Variants in HNF4G observed in about 807,000 individuals in gnomAD.
HNF4G encodes hepatocyte nuclear factor 4 gamma.
HNF4G carries 21 observed loss-of-function variants against 50.9 expected under a neutral mutation model. The ratio of observed to expected loss-of-function variants is 0.41; its 90% confidence interval spans 0.29 to 0.59. The LOEUF is 0.59. HNF4G is among the 20% of genes least tolerant of loss of function. The pLI is 0.26. For synonymous variants in HNF4G, 198 were observed against 185.6 expected, an observed-to-expected ratio of 1.07 and a Z score of -0.54; for missense variants, 527 against 559.4, an observed-to-expected ratio of 0.94 and a Z score of 0.58.
At chr8:75,519,453 C>T (rs538490012) in intron 2 of HNF4G, among the ~76,000 whole-genome samples, 10 of 152,238 alleles carry the variant, frequency 6.6e-5, no homozygotes, top group African/African-American at 1.9e-4. Flanking sequence ...ACTGTATTAA[C>T]CTGTTCTCAT....
At chr8:75,443,407 G>A (rs200674662) in intron 1 of HNF4G, among the ~76,000 whole-genome samples, 1 of 152,124 alleles carries the variant, frequency 6.6e-6, no homozygotes, top group Admixed American at 6.5e-5. Context: ...CTGAATTATT[G>A]CAATAATTAT....
At chr8:75,493,655 T>A (rs1273770766) in intron 2 of HNF4G, among the ~76,000 whole-genome samples, 1 of 152,196 alleles carries the variant, frequency 6.6e-6, no homozygotes. Flanking sequence ...TTTTCTGTTT[T>A]ATCTATTTTT....
At chr8:75,419,069 A>G (rs1810716584) in intron 1 of HNF4G, among the ~76,000 whole-genome samples, 1 of 152,124 alleles carries the variant, frequency 6.6e-6, no homozygotes. Flanking sequence ...TTTGCCTGCT[A>G]CTTATGTACA....
intron 2 of HNF4G, among the ~76,000 whole-genome samples, chr8:75,523,447 C>T (rs1241560702): frequency 6.6e-6 from 1 of 151,990 alleles, no homozygotes; most frequent in African/African-American, 2.4e-5. Context: ...ATATTTTAAT[C>T]TTTTATTTTA....
At position 75,566,719 on chromosome 8, in the gene HNF4G, T is replaced by A. The variant is rs1335090081; in HGVS notation, c.*2623T>A. ...TTTTTATAAATTTTATTGTTGGAAA[T>A]CAAAAATTAGTAGATTTTTTACCAT... On this transcript the variant is annotated 3_prime_UTR_variant, in exon 10 of 10. Coordinates refer to ENST00000396423, the MANE Select transcript of HNF4G (RefSeq NM_004133.5). 6.6e-6 allele frequency: 1 copy of A among 152,268 alleles called. No individual in the cohort carries two copies. The highest frequency in any genetic ancestry group is 2.4e-5 in the African/African-American group (1 of 41,406). The allele number at this position is 152,268 out of a possible 1,614,324, so 9.4% of individuals were successfully genotyped here. A position where few individuals can be genotyped will look rare whatever the true frequency, so the allele number is the denominator to read the frequency against.
chr8:75,535,370 T>A (rs139404799), upstream of HNF4G, among the ~76,000 whole-genome samples: 92 of 151,676 alleles, frequency 6.1e-4, 3 homozygotes, highest in East Asian at 0.016. Flanking sequence ...TTAATTGAGA[T>A]CCTTTTTGAG....
chr8:75,502,136 C>A (rs868171469), intron 2 of HNF4G, among the ~76,000 whole-genome samples: 10 of 152,126 alleles, frequency 6.6e-5, no homozygotes, highest in South Asian at 4.2e-4. Flanking sequence ...CAGGCGTGAG[C>A]CACCGCGCCT....
chr8:75,431,481 T>C (rs1811013704), intron 1 of HNF4G, among the ~76,000 whole-genome samples: 1 of 152,136 alleles, frequency 6.6e-6, no homozygotes, highest in Non-Finnish European at 1.5e-5. Context: ...AAGACAGTAG[T>C]ATATGATAGA....
intron 1 of HNF4G, among the ~76,000 whole-genome samples, chr8:75,481,382 T>C (rs1812373171): frequency 6.6e-6 from 1 of 152,190 alleles, no homozygotes; most frequent in Non-Finnish European, 1.5e-5. Flanking sequence ...TTCTTACTAG[T>C]AGAAATTCCA....
intron 6 of HNF4G, among the ~76,000 whole-genome samples, chr8:75,556,563 G>A (rs957306533): frequency 6.6e-6 from 1 of 152,112 alleles, no homozygotes; most frequent in Non-Finnish European, 1.5e-5. Context: ...AGACAGGAAT[G>A]CTAGAAGAGG....
At chr8:75,476,791 A>G (rs1364979673) in intron 1 of HNF4G, among the ~76,000 whole-genome samples, 12 of 152,288 alleles carry the variant, frequency 7.9e-5, no homozygotes, top group African/African-American at 2.9e-4. Flanking sequence ...CAAATTTGCC[A>G]GCCAGATAAA....
chr8:75,510,025 T>C (rs899201362), intron 2 of HNF4G, among the ~76,000 whole-genome samples: 7 of 152,116 alleles, frequency 4.6e-5, no homozygotes, highest in Non-Finnish European at 1.0e-4. Flanking sequence ...ATTATTATCA[T>C]AGGTGATGGC....
chr8:75,445,022 C>G (rs1248154754), intron 1 of HNF4G, among the ~76,000 whole-genome samples: 10 of 150,974 alleles, frequency 6.6e-5, no homozygotes, highest in South Asian at 6.3e-4. Context: ...TGACCACATA[C>G]TTGGAAGTAA....
intron 1 of HNF4G, among the ~76,000 whole-genome samples, chr8:75,478,361 A>G (rs1008780804): frequency 6.6e-6 from 1 of 152,342 alleles, no homozygotes; most frequent in African/African-American, 2.4e-5. Flanking sequence ...AATTCTGCAT[A>G]TTAGAATTCT....
intron 1 of HNF4G, among the ~76,000 whole-genome samples, chr8:75,541,184 T>C (rs1264417790): frequency 1.3e-5 from 2 of 152,074 alleles, no homozygotes; most frequent in Non-Finnish European, 2.9e-5. Context: ...GATTAAGAAA[T>C]GGTAGGGACA....
intron 1 of HNF4G, among the ~76,000 whole-genome samples, chr8:75,458,369 C>CTTTTT (rs61411885): frequency 8.5e-6 from 1 of 117,108 alleles, no homozygotes; most frequent in East Asian, 2.6e-4. Context: ...AATGGTCTAA[C>CTTTTT]TTTTTTTTTT....
chr8:75,541,806 A>G (rs959176224), intron 1 of HNF4G, among the ~76,000 whole-genome samples: 7 of 152,118 alleles, frequency 4.6e-5, no homozygotes, highest in Non-Finnish European at 1.5e-5. Flanking sequence ...AAAAATAATT[A>G]TTCCTTCAGA....
chr8:75,417,533 A>T (rs1041248542), intron 1 of HNF4G, among the ~76,000 whole-genome samples: 1 of 152,222 alleles, frequency 6.6e-6, no homozygotes, highest in African/African-American at 2.4e-5. Flanking sequence ...GTTTCTTCTG[A>T]TAATAACTTA....
chr8:75,433,229 C>G (rs773829430), intron 1 of HNF4G, among the ~76,000 whole-genome samples: 7 of 151,866 alleles, frequency 4.6e-5, no homozygotes. Flanking sequence ...TAGAAAGACC[C>G]CATCTTTGCA....
Sources: allele counts gnomAD v4.1 joint callset (sites outside exome capture counted in the v4.1 genomes callset), GRCh38; gene constraint gnomAD v4.1.1; transcripts MANE v1.5; gene names NCBI Gene and HGNC (gene_info 2026-07-23, HGNC 2026-07-21).